TBC1D16: variants seen among roughly 807,000 people sequenced by gnomAD.
TBC1D16 encodes CTD-2529O21.1.
A neutral mutation model predicts 74.7 loss-of-function variants in TBC1D16; 58 were observed. That is an observed-to-expected ratio of 0.78 (90% confidence interval 0.63 to 0.97). The LOEUF is 0.97. Ranked by LOEUF, TBC1D16 falls within the 50% of genes least tolerant of loss-of-function variation. TBC1D16 has a pLI of 0.00. For synonymous variants in TBC1D16, 493 were observed against 474.7 expected (o/e 1.04, Z -0.50); for missense variants, 1,014 against 1,079.5 (o/e 0.94, Z 0.85).
intron 3 of TBC1D16, among the ~76,000 whole-genome samples, chr17:79,996,785 G>T (rs887051043): frequency 6.6e-6 from 1 of 152,152 alleles, no homozygotes; most frequent in Non-Finnish European, 1.5e-5. Context: ...GACTCGGCAA[G>T]TGCATTTGTG....
At chr17:79,984,572 GAA>G (rs1290225023) in intron 3 of TBC1D16, among the ~76,000 whole-genome samples, 25 of 135,496 alleles carry the variant, frequency 1.8e-4, no homozygotes, top group South Asian at 7.6e-4. Context: ...GAGAGAGAGA[GAA>G]AGAAAGAAAA....
rs1223694346 is a variant in TBC1D16 at position 79,936,367 on chromosome 17, C to G, written c.*4492G>C. ...CCCTCACGATGCACACGGCTGATGG[C>G]TGAGGTCAGCGGTCTCTTCCCTGAG... is the stretch of plus-strand genomic sequence containing the variant. On this transcript the variant is annotated 3_prime_UTR_variant, in exon 12 of 12. Transcript: ENST00000310924. The G allele has an allele frequency of 6.6e-6, 1 of 152,266 alleles. No individual in the cohort carries two copies. The highest frequency in any genetic ancestry group is 1.5e-5 in the Non-Finnish European group (1 of 68,068). The allele number at this position is 152,266 out of a possible 1,614,324, so 9.4% of individuals were successfully genotyped here.
intron 3 of TBC1D16, among the ~76,000 whole-genome samples, chr17:80,005,334 C>A (rs959858655): frequency 6.6e-6 from 1 of 152,236 alleles, no homozygotes; most frequent in Admixed American, 6.5e-5. Flanking sequence ...CAATGCACAT[C>A]CCCGGGGCAG....
intron 3 of TBC1D16, among the ~76,000 whole-genome samples, chr17:80,006,414 C>T (rs2035680926): frequency 6.6e-6 from 1 of 152,076 alleles, no homozygotes; most frequent in Non-Finnish European, 1.5e-5. Context: ...TTCTCATGGG[C>T]AGCCGGGCTG....
At chr17:79,967,435 T>G (rs1481641231) in intron 3 of TBC1D16, among the ~76,000 whole-genome samples, 1 of 152,172 alleles carries the variant, frequency 6.6e-6, no homozygotes, top group Admixed American at 6.6e-5. Flanking sequence ...GTCAGTAAGT[T>G]TGCATTATAT....
chr17:80,013,645 T>C, intron 1 of TBC1D16, 36 bp from the exon 2 acceptor site: 3 of 1,312,360 alleles, frequency 2.3e-6, no homozygotes, highest in South Asian at 3.1e-5. Context: ...GTCAAGGTTG[T>C]GGACTTGCGT....
rs1455397099 is a variant in TBC1D16, at chr17:80,000,407, C to T, written c.779+9753G>A. Among the ~76,000 whole-genome samples, 2 of 152,170 alleles carry T rather than the reference C, an allele frequency of 1.3e-5. No individual in the cohort carries two copies. The highest frequency in any genetic ancestry group is 2.9e-5 in the Non-Finnish European group (2 of 68,036). ...CACCCTGTCCATGTGGCAACAGAGG[C>T]AGGGGTCGGAATGATGTGGCCACAA... is the stretch of plus-strand genomic sequence containing the variant. On this transcript the variant is annotated intron_variant, in intron 3 of 11. Transcript: ENST00000310924. The surrounding 1 kb of genome is among the most constrained non-coding windows in gnomAD (Gnocchi z 4.1).
intron 3 of TBC1D16, among the ~76,000 whole-genome samples, chr17:79,989,176 G>A (rs2034965970): frequency 6.6e-6 from 1 of 152,162 alleles, no homozygotes; most frequent in Non-Finnish European, 1.5e-5. Flanking sequence ...AGCACCGTGT[G>A]CCCCCTGAAC....
intron 3 of TBC1D16, among the ~76,000 whole-genome samples, chr17:79,998,811 G>T (rs377064780): frequency 2.0e-5 from 3 of 152,070 alleles, no homozygotes; most frequent in African/African-American, 7.2e-5. Context: ...CTTCCACCGC[G>T]CCCGTATGAA....
rs1166110853 is a variant in TBC1D16, at chr17:79,994,116, C to T, written c.779+16044G>A. Among the ~76,000 whole-genome samples, 1 of 152,054 alleles carries T rather than the reference C, an allele frequency of 6.6e-6. No homozygotes were observed. The highest frequency in any genetic ancestry group is 1.5e-5 in the Non-Finnish European group (1 of 68,028). On this transcript the variant is annotated intron_variant, in intron 3 of 11. Coordinates refer to ENST00000310924, the MANE Select transcript of TBC1D16 (RefSeq NM_019020.4). This position sits in a 1 kb window ranked among gnomAD's most constrained non-coding sequence, Gnocchi z 4.6. ...TTTCCTCCCTGTCCTGACAGTTTTA[C>T]TAGAAAGGTCAGCTTTTTAAAGAGC... is the stretch of plus-strand genomic sequence containing the variant.
chr17:80,017,624 T>G (rs898052520), intron 1 of TBC1D16, among the ~76,000 whole-genome samples: 4 of 138,406 alleles, frequency 2.9e-5, no homozygotes, highest in Non-Finnish European at 6.0e-5. Flanking sequence ...GAGGTTGTGG[T>G]GAGCCTAGAT....
intron 1 of TBC1D16, among the ~76,000 whole-genome samples, chr17:80,024,585 C>CCACACACCATAGACA (rs1555885893): frequency 9.6e-6 from 1 of 103,754 alleles, no homozygotes; most frequent in Admixed American, 9.1e-5. Context: ...GGCACACACA[C>CCACACACCATAGACA]CACACACCAC....
chr17:79,971,031 ATT>A lies in TBC1D16; in HGVS notation c.780-18215_780-18214del, dbSNP rs142776613. On this transcript the variant is annotated intron_variant, in intron 3 of 11. Coordinates refer to ENST00000310924, the MANE Select transcript of TBC1D16 (RefSeq NM_019020.4). The surrounding 1 kb of genome is among the most constrained non-coding windows in gnomAD (Gnocchi z 4.6). ...TACACTCCCTGTATTTTTATTTTTT[ATT>A]TTTTTTTGAGATGGAGTCTGTCTCC... Among the ~76,000 whole-genome samples, 26 of 111,152 alleles carry A rather than the reference ATT, an allele frequency of 2.3e-4. No individual in the cohort carries two copies. The highest frequency in any genetic ancestry group is 1.1e-3 in the East Asian group (3 of 2,838). 72.9% of individuals were successfully genotyped at this position (111,152 alleles called of 152,430 possible). A position where few individuals can be genotyped will look rare whatever the true frequency, so the allele number is the denominator to read the frequency against.
chr17:80,014,313 C>T (rs1161715169), intron 1 of TBC1D16, among the ~76,000 whole-genome samples: 1 of 151,974 alleles, frequency 6.6e-6, no homozygotes, highest in Non-Finnish European at 1.5e-5. Flanking sequence ...GCTGAGATCA[C>T]ATCACTGCAC....
In TBC1D16 at chr17:80,007,768, G is replaced by C. The variant is rs1226520932; in HGVS notation, c.779+2392C>G. Among the ~76,000 whole-genome samples, 1 of 152,182 alleles carries C rather than the reference G, an allele frequency of 6.6e-6. No individual in the cohort carries two copies. Among genetic ancestry groups the C allele is most frequent in the Non-Finnish European group, 1.5e-5 (1 of 68,036 alleles). ...GCATGAGGCAGAGAGAGCCCCACAA[G>C]ATCTAGAGGCAGAGAGGACGACGAA... is the stretch of plus-strand genomic sequence containing the variant. On this transcript the variant is annotated intron_variant, in intron 3 of 11. Coordinates refer to ENST00000310924, the MANE Select transcript of TBC1D16 (RefSeq NM_019020.4). The surrounding 1 kb of genome is among the most constrained non-coding windows in gnomAD (Gnocchi z 4.5).
chr17:80,031,171 C>T lies in TBC1D16; in HGVS notation c.-63+4624G>A, dbSNP rs771856192. The stretch of plus-strand genomic sequence containing the variant: ...GCAGCCAGGATCAGGACCCAGTCCC[C>T]GGGCAGCAGGCTTGGGGAAGGTAGC... On this transcript the variant is annotated intron_variant, in intron 1 of 11. Transcript: ENST00000310924. 2.6e-4 allele frequency among the ~76,000 whole-genome samples: 39 copies of T among 152,180 alleles called. 1 individual carries two copies. Among genetic ancestry groups the T allele is most frequent in the Non-Finnish European group, 5.4e-4 (37 of 68,028 alleles).
rs1598343332 is a variant in TBC1D16, at chr17:79,954,444, C to T, written c.780-1626G>A. Among the ~76,000 whole-genome samples, 2 of 152,198 alleles carry T rather than the reference C, an allele frequency of 1.3e-5. No homozygotes were observed. The highest frequency in any genetic ancestry group is 4.8e-5 in the African/African-American group (2 of 41,442). ...CACCTGCCTAAGGAAGTCAGCCGAA[C>T]AGGTCCTCCCACTGCTGGGGCCCCT... On this transcript the variant is annotated intron_variant, in intron 3 of 11. Transcript: ENST00000310924. This position sits in a 1 kb window ranked among gnomAD's most constrained non-coding sequence, Gnocchi z 5.5.
intron 3 of TBC1D16, among the ~76,000 whole-genome samples, chr17:79,982,320 A>G (rs937091189): frequency 6.6e-6 from 1 of 150,700 alleles, no homozygotes; most frequent in East Asian, 2.0e-4. Context: ...CTAATTTTGT[A>G]TTTTTGGTAG....
chr17:79,937,591 G>GCCCT lies in TBC1D16; in HGVS notation c.*3264_*3267dup, dbSNP rs1273638469. On this transcript the variant is annotated 3_prime_UTR_variant, in exon 12 of 12. Coordinates refer to ENST00000310924, the MANE Select transcript of TBC1D16 (RefSeq NM_019020.4). ...TCCTCCCCCGCAGGGGTGGGCTGGGGCCCTCCCTCCCTCTGTACTTGATCC... is the reference window on the plus strand; with the variant it reads ...TCCTCCCCCGCAGGGGTGGGCTGGGGCCCTCCCTCCCTCCCTCTGTACTTGATCC... The GCCCT allele has an allele frequency of 2.6e-5, 4 of 152,484 alleles. No homozygotes were observed. Among genetic ancestry groups the GCCCT allele is most frequent in the Non-Finnish European group, 4.4e-5 (3 of 68,142 alleles). The allele number at this position is 152,484 out of a possible 1,614,324, so 9.4% of individuals were successfully genotyped here.
Sources: allele counts gnomAD v4.1 joint callset (sites outside exome capture counted in the v4.1 genomes callset), GRCh38; gene constraint gnomAD v4.1.1; non-coding constraint Gnocchi (gnomAD v3.1); transcripts MANE v1.5; gene names NCBI Gene and HGNC (gene_info 2026-07-23, HGNC 2026-07-21).